SH3PXD2A: variants seen among roughly 807,000 people sequenced by gnomAD.
The protein encoded by SH3PXD2A is SH3 and PX domain-containing protein 2A.
SH3PXD2A carries 32 observed loss-of-function variants against 115.2 expected under a neutral mutation model. That is an observed-to-expected ratio of 0.28 (90% CI 0.21 to 0.37). The LOEUF (loss-of-function observed/expected upper bound fraction) is 0.37, where lower values mean the gene tolerates loss of function less well. Ranked by LOEUF, SH3PXD2A falls within the 10% of genes least tolerant of loss-of-function variation. SH3PXD2A has a pLI of 1.00. For synonymous variants in SH3PXD2A, 610 were observed against 629.1 expected (o/e 0.97, Z 0.45); for missense variants, 1,328 against 1,498.7 (o/e 0.89, Z 1.88).
At chr10:103,685,066 G>C (rs1291338879) in intron 6 of SH3PXD2A, among the ~76,000 whole-genome samples, 1 of 145,700 alleles carries the variant, frequency 6.9e-6, no homozygotes, top group Non-Finnish European at 1.5e-5. Flanking sequence ...GGCCAGTCAT[G>C]GTGGTTCACA....
At chr10:103,782,771 A>G (rs2038943005) in intron 2 of SH3PXD2A, among the ~76,000 whole-genome samples, 1 of 135,100 alleles carries the variant, frequency 7.4e-6, no homozygotes, top group Admixed American at 8.2e-5. Context: ...CTGAGGTGGG[A>G]GGATGGCTTG....
chr10:103,662,341 C>T (rs79184994), intron 7 of SH3PXD2A, among the ~76,000 whole-genome samples: 1 of 10,628 alleles, frequency 9.4e-5, no homozygotes, highest in Non-Finnish European at 1.9e-4. Flanking sequence ...CCATTATTGG[C>T]GGGGGGGGGG....
At chr10:103,735,424 G>A (rs1221870294) in intron 4 of SH3PXD2A, among the ~76,000 whole-genome samples, 1 of 152,228 alleles carries the variant, frequency 6.6e-6, no homozygotes, top group African/African-American at 2.4e-5. Context: ...CCTTCAGAAG[G>A]AGGCTCTTTG....
At chr10:103,678,352 T>C (rs750580777) in intron 6 of SH3PXD2A, among the ~76,000 whole-genome samples, 10 of 152,194 alleles carry the variant, frequency 6.6e-5, no homozygotes, top group Non-Finnish European at 2.9e-5. Context: ...AATCCCCACA[T>C]CTGGCTCTCA....
At chr10:103,811,759 C>A (rs565992359) in intron 1 of SH3PXD2A, among the ~76,000 whole-genome samples, 2 of 152,156 alleles carry the variant, frequency 1.3e-5, no homozygotes, top group Non-Finnish European at 2.9e-5. Context: ...GGGATCCTTG[C>A]GGGGATCAGC....
At chr10:103,748,160 A>C (rs1324209354) in intron 3 of SH3PXD2A, among the ~76,000 whole-genome samples, 1 of 152,182 alleles carries the variant, frequency 6.6e-6, no homozygotes, top group Non-Finnish European at 1.5e-5. Flanking sequence ...ATGACAGTTG[A>C]TCCTCATAAC....
chr10:103,778,249 G>A (rs947039758), intron 2 of SH3PXD2A, among the ~76,000 whole-genome samples: 4 of 152,188 alleles, frequency 2.6e-5, no homozygotes, highest in Non-Finnish European at 5.9e-5. Context: ...AGGAAATGGC[G>A]TGAATCCGGG....
chr10:103,821,970 C>T (rs2087699639), intron 1 of SH3PXD2A, among the ~76,000 whole-genome samples: 1 of 151,726 alleles, frequency 6.6e-6, no homozygotes. Context: ...GTGGCACGAT[C>T]TTGGCTCACT....
chr10:103,810,648 C>G (rs6584573), intron 1 of SH3PXD2A, among the ~76,000 whole-genome samples: 143,397 of 152,122 alleles, frequency 0.94, 67,877 homozygotes, highest in South Asian at 0.99. Flanking sequence ...GTGGTGATAC[C>G]CATGGGGCAC....
chr10:103,849,401 C>T (rs1842877329), intron 1 of SH3PXD2A, among the ~76,000 whole-genome samples: 1 of 152,248 alleles, frequency 6.6e-6, no homozygotes, highest in Non-Finnish European at 1.5e-5. Flanking sequence ...CATTGCCTGG[C>T]ACATAGTAGG....
chr10:103,665,463 T>C lies in SH3PXD2A; in HGVS notation c.472+3145A>G, dbSNP rs978240185. ...AAGTTAAGGAAATATTCTCTAGGCA[T>C]TGGAAAGCACAGACAGGCTATGGCC... On this transcript the variant is annotated intron_variant, in intron 7 of 14. Transcript: ENST00000369774. This position sits in a 1 kb window ranked among gnomAD's most constrained non-coding sequence, Gnocchi z 4.0. Among the ~76,000 whole-genome samples the C allele has an allele frequency of 9.2e-5, 14 of 152,294 alleles. No homozygotes were observed. The highest frequency in any genetic ancestry group is 3.1e-4 in the African/African-American group (13 of 41,552).
At chr10:103,801,566 C>CACACACACACACACACACACACACAT (rs1279669002) in intron 1 of SH3PXD2A, among the ~76,000 whole-genome samples, 1 of 151,814 alleles carries the variant, frequency 6.6e-6, no homozygotes, top group African/African-American at 2.4e-5. Flanking sequence ...CACACACACA[C>CACACACACACACACACACACACACAT]ATACCCCTAG....
rs185390717 is a variant in SH3PXD2A at position 103,713,915 on chromosome 10, C to T, written c.398+10355G>A. Reference sequence around the variant, plus strand: ...CCTCCCCCTTAGACCACCAGGGCCCCGAGAGTGGGGACTGAGCTACTTCTG... The same window carrying T: ...CCTCCCCCTTAGACCACCAGGGCCCTGAGAGTGGGGACTGAGCTACTTCTG... On this transcript the variant is annotated intron_variant, in intron 5 of 14. Transcript: ENST00000369774. Among the ~76,000 whole-genome samples, 14 of 152,268 alleles carry T rather than the reference C, an allele frequency of 9.2e-5. No homozygotes were observed. The East Asian group carries it at 2.1e-3, about 23-fold the overall frequency.
Position 103,855,240 on chromosome 10 carries a change from G to A in SH3PXD2A, c.27C>T (p.Ala9=), listed in dbSNP as rs766253973. 1 of 1,538,338 alleles carries A rather than the reference G, an allele frequency of 6.5e-7. No individual in the cohort carries two copies. The highest frequency in any genetic ancestry group is 1.2e-5 in the South Asian group (1 of 82,572). The change falls in exon 1 of 15, where the codon GCC becomes GCT. Residue 9 remains alanine (A), a synonymous_variant. Transcript: ENST00000369774. The part of the protein sequence containing the change: MLAYCVQD[A]TVVDVEKRRN... ...TCCGCTTCTCCACGTCCACCACGGTGGCATCCTGCACGCAGTAGGCGAGCA... is the reference window on the plus strand; with the variant it reads ...TCCGCTTCTCCACGTCCACCACGGTAGCATCCTGCACGCAGTAGGCGAGCA...
In SH3PXD2A at chr10:103,600,711, T is replaced by G. The variant is rs779623116; in HGVS notation, c.*1105A>C. On this transcript the variant is annotated 3_prime_UTR_variant, in exon 15 of 15. Transcript: ENST00000369774. The stretch of plus-strand genomic sequence containing the variant: ...AGAACAGTTTCTCTGCTTCACCATG[T>G]CTGCAACCTGGGGCTTGCCTAGCCC... 2 of 152,214 alleles carry G rather than the reference T, an allele frequency of 1.3e-5. No homozygotes were observed. Among genetic ancestry groups the G allele is most frequent in the Non-Finnish European group, 2.9e-5 (2 of 68,034 alleles). The allele number at this position is 152,214 out of a possible 1,614,324, so 9.4% of individuals were successfully genotyped here.
intron 1 of SH3PXD2A, among the ~76,000 whole-genome samples, chr10:103,833,448 A>T (rs2039501059): frequency 6.6e-6 from 1 of 151,848 alleles, no homozygotes; most frequent in Admixed American, 6.6e-5. Flanking sequence ...TAGTAGCTCA[A>T]GTTCCCAAAG....
chr10:103,672,072 G>C (rs2037468261), intron 6 of SH3PXD2A, among the ~76,000 whole-genome samples: 1 of 152,214 alleles, frequency 6.6e-6, no homozygotes, highest in African/African-American at 2.4e-5. Flanking sequence ...ATCACTGGAG[G>C]TTAGGAGTTC....
intron 1 of SH3PXD2A, among the ~76,000 whole-genome samples, chr10:103,844,738 C>T (rs1842823634): frequency 6.6e-6 from 1 of 152,172 alleles, no homozygotes; most frequent in South Asian, 2.1e-4. Flanking sequence ...ACTCTCCAAA[C>T]CTCAGGTTCC....
rs1446697670 is a variant in SH3PXD2A at position 103,808,542 on chromosome 10, T to C, written c.73-7180A>G. Among the ~76,000 whole-genome samples the C allele has an allele frequency of 2.6e-5, 4 of 152,196 alleles. No homozygotes were observed. In the East Asian group the frequency reaches 5.8e-4, roughly 22 times the overall value. On this transcript the variant is annotated intron_variant, in intron 1 of 14. Coordinates refer to ENST00000369774, the MANE Select transcript of SH3PXD2A (RefSeq NM_001394015.1). ...CTGGCATTACAGATGCGAGCTACCA[T>C]GCCTGGCCTAAAGACCCCTCTTGAC...
Sources: allele counts gnomAD v4.1 joint callset (sites outside exome capture counted in the v4.1 genomes callset), GRCh38; gene constraint gnomAD v4.1.1; non-coding constraint Gnocchi (gnomAD v3.1); transcripts MANE v1.5; gene names NCBI Gene and HGNC (gene_info 2026-07-23, HGNC 2026-07-21).